SRPK2: variants seen among roughly 807,000 people sequenced by gnomAD.
The protein encoded by SRPK2 is SFRS protein kinase 2.
A neutral mutation model predicts 90.8 loss-of-function variants in SRPK2; 21 were observed. The ratio of observed to expected loss-of-function variants is 0.23; its 90% CI spans 0.16 to 0.33. SRPK2 has a LOEUF of 0.33. Ranked by LOEUF, SRPK2 falls within the 10% of genes least tolerant of loss-of-function variation. The pLI is 1.00. For synonymous variants in SRPK2, 288 were observed against 311.1 expected (o/e 0.93, Z 0.78); for missense variants, 620 against 869.0 (o/e 0.71, Z 3.60).
chr7:105,333,213 A>C (rs141236728), intron 2 of SRPK2, among the ~76,000 whole-genome samples: 137 of 152,270 alleles, frequency 9.0e-4, no homozygotes, highest in African/African-American at 3.2e-3. Context: ...CAAATAAATA[A>C]ATAGAAACAA....
At chr7:105,204,535 C>T (rs1015524557) in intron 2 of SRPK2, 15 of 397,938 alleles carry the variant, frequency 3.8e-5, no homozygotes, top group Admixed American at 9.3e-5. Context: ...ATCTGGATGC[C>T]GGAAGCACAT....
rs1024282147 is a variant in SRPK2 at position 105,366,367 on chromosome 7, C to T, written c.71+22281G>A. Among the ~76,000 whole-genome samples the T allele has an allele frequency of 4.2e-4, 59 of 139,318 alleles. 1 individual carries two copies. Among genetic ancestry groups the T allele is most frequent in the Non-Finnish European group, 7.5e-4 (50 of 66,266 alleles). 91.4% of individuals were successfully genotyped at this position (139,318 alleles called of 152,430 possible). Reference sequence around the variant, plus strand: ...ATTGTATTAGCATCTACAGGTATGCCTTTTTTTTTTTTTTCTTTTTGAGAC... The same window carrying T: ...ATTGTATTAGCATCTACAGGTATGCTTTTTTTTTTTTTTTCTTTTTGAGAC... On this transcript the variant is annotated intron_variant, in intron 2 of 15. Transcript: ENST00000393651.
At position 105,301,343 on chromosome 7, in the gene SRPK2, A is replaced by G. The variant is rs150643212; in HGVS notation, c.71+87305T>C. On this transcript the variant is annotated intron_variant, in intron 2 of 15. Transcript: ENST00000393651. ...TCCGAGCCCACAGCCCACCGCTGGC[A>G]GCTGGGCGCTGCCGAGGCCAGGGGC... is the stretch of plus-strand genomic sequence containing the variant. Among the ~76,000 whole-genome samples the G allele has an allele frequency of 5.1e-3, 773 of 151,640 alleles. 12 individuals are homozygous for G. In the East Asian group the frequency reaches 0.055, roughly 11 times the overall value.
At position 105,230,722 on chromosome 7, in the gene SRPK2, T is replaced by C. The variant is rs1414361101; in HGVS notation, c.72-26937A>G. The stretch of plus-strand genomic sequence containing the variant: ...GTCAACTGTTAAAATAGCTGGGCAA[T>C]ATGCATGAAAAATCTTGTTGATTCT... On this transcript the variant is annotated intron_variant, in intron 2 of 15. Transcript: ENST00000393651. Among the ~76,000 whole-genome samples the C allele has an allele frequency of 2.6e-5, 4 of 152,162 alleles. No homozygotes were observed. In the South Asian group the frequency reaches 6.2e-4, roughly 24 times the overall value.
At chr7:105,144,834 T>TG (rs1804325611) in intron 9 of SRPK2, among the ~76,000 whole-genome samples, 1 of 152,132 alleles carries the variant, frequency 6.6e-6, no homozygotes, top group Admixed American at 6.5e-5. Context: ...AGGCTGGGCG[T>TG]GGTGGTTCAA....
At chr7:105,130,844 G>A (rs1801900181) in intron 13 of SRPK2, among the ~76,000 whole-genome samples, 5 of 151,480 alleles carry the variant, frequency 3.3e-5, no homozygotes, top group Admixed American at 2.0e-4. Context: ...AACTGAAAAA[G>A]CAAACCTCAT....
intron 1 of SRPK2, among the ~76,000 whole-genome samples, chr7:105,394,909 G>A (rs766090237): frequency 5.9e-5 from 9 of 152,280 alleles, no homozygotes; most frequent in Admixed American, 3.9e-4. Flanking sequence ...GGTGGCTTAC[G>A]CCTGTAATCC....
chr7:105,370,164 G>T (rs1317153704), intron 2 of SRPK2, among the ~76,000 whole-genome samples: 1 of 152,114 alleles, frequency 6.6e-6, no homozygotes, highest in Non-Finnish European at 1.5e-5. Flanking sequence ...CACAAAAGTA[G>T]GACTGCCAAG....
rs1563008147 is a variant in SRPK2, at chr7:105,160,621, A to G, written c.515-8T>C. 6 of 1,578,254 alleles carry G rather than the reference A, an allele frequency of 3.8e-6. No individual in the cohort carries two copies. Among genetic ancestry groups the G allele is most frequent in the Non-Finnish European group, 4.4e-6 (5 of 1,147,596 alleles). ...CGAAGACCATGCAGACATCTGGGACACAGTTAAGGATCGTTTGTGGATGCA... is the reference window on the plus strand; with the variant it reads ...CGAAGACCATGCAGACATCTGGGACGCAGTTAAGGATCGTTTGTGGATGCA... On this transcript the variant is annotated splice_polypyrimidine_tract_variant and splice_region_variant and intron_variant, in intron 6 of 15. Transcript: ENST00000393651.
intron 2 of SRPK2, among the ~76,000 whole-genome samples, chr7:105,242,112 T>C (rs185203429): frequency 6.6e-6 from 1 of 152,370 alleles, no homozygotes; most frequent in East Asian, 1.9e-4. Context: ...TCTAAGTCTG[T>C]GACTTCATCT....
chr7:105,127,115 A>G, intron 13 of SRPK2, 53 bp from the exon 14 acceptor site: 1 of 1,578,274 alleles, frequency 6.3e-7, no homozygotes, highest in Non-Finnish European at 8.7e-7. Flanking sequence ...CCCCCAAGTC[A>G]ACAGCTTTTT....
intron 2 of SRPK2, among the ~76,000 whole-genome samples, chr7:105,336,716 T>C (rs888323965): frequency 3.9e-5 from 6 of 152,332 alleles, no homozygotes; most frequent in South Asian, 4.1e-4. Flanking sequence ...ATAACAAATT[T>C]AACACTCTGA....
chr7:105,137,464 T>A (rs1174761486), intron 11 of SRPK2, among the ~76,000 whole-genome samples: 1 of 143,170 alleles, frequency 7.0e-6, no homozygotes, highest in African/African-American at 2.8e-5. Context: ...AAAGCTCAAG[T>A]GATAGGAGCA....
intron 7 of SRPK2, among the ~76,000 whole-genome samples, chr7:105,155,831 A>C (rs994342678): frequency 6.6e-6 from 1 of 152,232 alleles, no homozygotes; most frequent in Admixed American, 6.5e-5. Flanking sequence ...AAAAACGGAA[A>C]GGTGCCCTTA....
At chr7:105,340,540 T>C (rs1258125531) in intron 2 of SRPK2, among the ~76,000 whole-genome samples, 1 of 151,862 alleles carries the variant, frequency 6.6e-6, no homozygotes, top group Admixed American at 6.6e-5. Flanking sequence ...AGCTCCCAAG[T>C]AGGTGGGAAC....
chr7:105,221,906 T>C (rs778012261), intron 2 of SRPK2, among the ~76,000 whole-genome samples: 2 of 152,226 alleles, frequency 1.3e-5, no homozygotes, highest in East Asian at 3.8e-4. Flanking sequence ...TATCCACAGA[T>C]AAACCAAAAT....
chr7:105,396,005 T>A (rs1214265129), intron 1 of SRPK2, among the ~76,000 whole-genome samples: 1 of 152,036 alleles, frequency 6.6e-6, no homozygotes, highest in Non-Finnish European at 1.5e-5. Flanking sequence ...AACCTCCGCC[T>A]CCCAGGTTCA....
intron 2 of SRPK2, among the ~76,000 whole-genome samples, chr7:105,343,802 G>A (rs1006078080): frequency 2.6e-5 from 4 of 151,316 alleles, no homozygotes; most frequent in Admixed American, 6.6e-5. Context: ...TGCTCTTGTC[G>A]CCCAGGCTGG....
intron 2 of SRPK2, among the ~76,000 whole-genome samples, chr7:105,246,095 AG>A (rs954117505): frequency 2.0e-5 from 3 of 152,214 alleles, no homozygotes; most frequent in Non-Finnish European, 4.4e-5. Flanking sequence ...TATTTGCTAG[AG>A]TAAGATTAGG....
Sources: allele counts gnomAD v4.1 joint callset (sites outside exome capture counted in the v4.1 genomes callset), GRCh38; gene constraint gnomAD v4.1.1; transcripts MANE v1.5; gene names NCBI Gene and HGNC (gene_info 2026-07-23, HGNC 2026-07-21).